HSPBAP1: variants seen among roughly 807,000 people sequenced by gnomAD.
HSPBAP1 encodes HSPB1 associated protein 1.
HSPBAP1 carries 27 observed loss-of-function variants against 45.2 expected under a neutral mutation model. That is an observed-to-expected ratio of 0.60 (90% CI 0.44 to 0.82). HSPBAP1 has a LOEUF of 0.82. HSPBAP1 is among the 40% of genes least tolerant of loss of function. The probability of loss-of-function intolerance (pLI) is 0.00; values close to 1 mark genes in which losing one functional copy is unlikely to be tolerated. For missense variants in HSPBAP1, 510 were observed against 590.9 expected (o/e 0.86, Z 1.42); for synonymous variants, 204 against 202.7 (o/e 1.01, Z -0.06).
At chr3:122,743,911 GC>G (rs1933757444) in intron 6 of HSPBAP1, among the ~76,000 whole-genome samples, 1 of 152,064 alleles carries the variant, frequency 6.6e-6, no homozygotes, top group Non-Finnish European at 1.5e-5. Context: ...ACTTTTGGAG[GC>G]CAAAGTGGAA....
chr3:122,761,619 T>TC (rs1167358303), intron 3 of HSPBAP1: 2 of 150,402 alleles, frequency 1.3e-5, no homozygotes, highest in Non-Finnish European at 3.0e-5. Context: ...AAAAAGGTTT[T>TC]TTTTTTTTTT....
At chr3:122,766,888 CATT>C (rs1934800376) in intron 3 of HSPBAP1, among the ~76,000 whole-genome samples, 1 of 152,144 alleles carries the variant, frequency 6.6e-6, no homozygotes, top group South Asian at 2.1e-4. Context: ...AAGTGTAAAA[CATT>C]AGAAAAATTC....
chr3:122,755,048 C>T (rs1934293851), intron 5 of HSPBAP1: 1 of 1,211,484 alleles, frequency 8.3e-7, no homozygotes, highest in Non-Finnish European at 1.0e-6. Context: ...GCTGTGTTCC[C>T]TCTTGCCATT....
chr3:122,782,935 T>C (rs1196648472), intron 1 of HSPBAP1, among the ~76,000 whole-genome samples: 1 of 152,192 alleles, frequency 6.6e-6, no homozygotes, highest in Admixed American at 6.5e-5. Context: ...GGACAAAAAC[T>C]TGGAATCCCT....
intron 6 of HSPBAP1, among the ~76,000 whole-genome samples, chr3:122,745,343 T>C (rs1933808765): frequency 6.6e-6 from 1 of 152,108 alleles, no homozygotes; most frequent in African/African-American, 2.4e-5. Context: ...TATACACTAA[T>C]AATATCCAGT....
chr3:122,770,945 C>T (rs1934973039), intron 2 of HSPBAP1, among the ~76,000 whole-genome samples: 1 of 152,248 alleles, frequency 6.6e-6, no homozygotes, highest in East Asian at 1.9e-4. Flanking sequence ...AATACTAAAG[C>T]CATTAAATGA....
chr3:122,772,993 T>A (rs1310544884), intron 2 of HSPBAP1, among the ~76,000 whole-genome samples: 2 of 151,794 alleles, frequency 1.3e-5, no homozygotes, highest in African/African-American at 4.8e-5. Context: ...AGACTACAGG[T>A]GTGCACCATC....
At chr3:122,792,134 C>T (rs1188321383) in intron 1 of HSPBAP1, among the ~76,000 whole-genome samples, 1 of 152,154 alleles carries the variant, frequency 6.6e-6, no homozygotes, top group African/African-American at 2.4e-5. Flanking sequence ...CATTGGAGAA[C>T]GTTAGCAGGC....
intron 6 of HSPBAP1, among the ~76,000 whole-genome samples, chr3:122,743,496 G>A (rs1399794377): frequency 6.6e-6 from 1 of 152,134 alleles, no homozygotes; most frequent in African/African-American, 2.4e-5. Context: ...AACCTGGGAG[G>A]CGGAGGTTGC....
In HSPBAP1 at chr3:122,768,901, C is replaced by A; in HGVS notation, c.251-19G>T. On this transcript the variant is annotated intron_variant, in intron 2 of 7. Coordinates refer to ENST00000306103, the MANE Select transcript of HSPBAP1 (RefSeq NM_024610.6). The stretch of plus-strand genomic sequence containing the variant: ...TGAGGAACTGCAATGTAAGAGAATG[C>A]AACCTTAAATGTATAATGAACACAT... 6.6e-7 allele frequency: 1 copy of A among 1,507,418 alleles called. No individual in the cohort carries two copies. The allele number at this position is 1,507,418 out of a possible 1,614,324, so 93.4% of individuals were successfully genotyped here.
rs947547227 is a variant in HSPBAP1 at position 122,793,723 on chromosome 3, G to T, written c.-43C>A. On this transcript the variant is annotated 5_prime_UTR_variant, in exon 1 of 8. Transcript: ENST00000306103. ...TTCTGCCGGAACCCAAGGCGGAGCG[G>T]AGCTGGGGTGGGGTCAGAGTAGGGG... 4 of 1,598,994 alleles carry T rather than the reference G, an allele frequency of 2.5e-6. No homozygotes were observed. In the Admixed American group the frequency reaches 6.7e-5, roughly 27 times the overall value.
chr3:122,755,437 T>TTAAA lies in HSPBAP1; in HGVS notation c.570-7_570-6insTTTA, dbSNP rs374233739. 1.1e-5 allele frequency: 13 copies of TTAAA among 1,185,112 alleles called. No homozygotes were observed. The highest frequency in any genetic ancestry group is 1.4e-5 in the Non-Finnish European group (13 of 906,616). 73.4% of individuals were successfully genotyped at this position (1,185,112 alleles called of 1,614,324 possible). Reference sequence around the variant, plus strand: ...GAAAGAGATGCCATCGTTTCCTAATTAAAAAAAAAAAAAAAAGATACAAGT... The same window carrying TTAAA: ...GAAAGAGATGCCATCGTTTCCTAATTTAAAAAAAAAAAAAAAAAAAGATACAAGT... On this transcript the variant is annotated splice_polypyrimidine_tract_variant and splice_region_variant and intron_variant, in intron 4 of 7. Transcript: ENST00000306103.
chr3:122,757,067 G>A (rs1210582433), intron 4 of HSPBAP1, among the ~76,000 whole-genome samples: 1 of 152,132 alleles, frequency 6.6e-6, no homozygotes, highest in Non-Finnish European at 1.5e-5. Context: ...CTGCACCACA[G>A]CAATATTTCC....
intron 6 of HSPBAP1, among the ~76,000 whole-genome samples, chr3:122,745,699 A>G (rs1382529230): frequency 6.6e-6 from 1 of 152,204 alleles, no homozygotes; most frequent in Non-Finnish European, 1.5e-5. Context: ...GCCCCAAAGT[A>G]CAAGAGTTGT....
At chr3:122,770,902 G>A (rs1170419123) in intron 2 of HSPBAP1, among the ~76,000 whole-genome samples, 1 of 152,208 alleles carries the variant, frequency 6.6e-6, no homozygotes, top group Non-Finnish European at 1.5e-5. Context: ...TACTGTCTTA[G>A]GAGTTTTCAC....
At chr3:122,749,966 C>T (rs1934067546) in intron 6 of HSPBAP1, among the ~76,000 whole-genome samples, 1 of 150,460 alleles carries the variant, frequency 6.6e-6, no homozygotes, top group Admixed American at 6.7e-5. Flanking sequence ...AAATATGTTA[C>T]TGGTTTTCTT....
chr3:122,745,017 T>C (rs1933796829), intron 6 of HSPBAP1, among the ~76,000 whole-genome samples: 1 of 151,880 alleles, frequency 6.6e-6, no homozygotes. Context: ...CAAAAAGTAA[T>C]GAAATAGAAA....
Position 122,793,633 on chromosome 3 carries a change from C to T in HSPBAP1, c.48G>A (p.Gly16=). The T allele has an allele frequency of 2.4e-5, 38 of 1,613,982 alleles. No homozygotes were observed. Among genetic ancestry groups the T allele is most frequent in the Non-Finnish European group, 3.2e-5 (38 of 1,180,020 alleles). The part of the protein sequence containing the change: ...EATTPVIVAA[G]AGGEEGEHVK... ...GGCACCTACCTTCCTCCCCTCCAGC[C>T]CCAGCCGCAACGATCACAGGAGTGG... The change falls in exon 1 of 8, where the codon GGG becomes GGA. Residue 16 remains glycine (G), a synonymous_variant. Coordinates refer to ENST00000306103, the MANE Select transcript of HSPBAP1 (RefSeq NM_024610.6).
intron 2 of HSPBAP1, among the ~76,000 whole-genome samples, chr3:122,771,219 T>C (rs1036304517): frequency 6.6e-6 from 1 of 152,256 alleles, no homozygotes; most frequent in Non-Finnish European, 1.5e-5. Context: ...ATTTTTTCAC[T>C]CTTTCCTGGT....
Sources: gnomAD v4.1 joint callset for allele counts (sites outside exome capture counted in the v4.1 genomes callset) on GRCh38, gnomAD v4.1.1 for gene constraint, MANE v1.5 for transcripts, NCBI Gene and HGNC (gene_info 2026-07-23, HGNC 2026-07-21) for gene names.